Variants in ARHGAP28 observed in about 807,000 individuals in gnomAD.
ARHGAP28 encodes Rho GTPase activating protein 28.
ARHGAP28 carries 56 observed loss-of-function variants against 90.7 expected under a neutral mutation model. The ratio of observed to expected loss-of-function variants is 0.62; its 90% confidence interval spans 0.50 to 0.77. The LOEUF is 0.77. Among genes scored for constraint, ARHGAP28 ranks in the 30% least tolerant of loss-of-function variants. The pLI, the probability that ARHGAP28 is intolerant of heterozygous loss-of-function variation, is 0.00. For synonymous variants in ARHGAP28, 308 were observed against 323.3 expected (o/e 0.95, Z 0.51); for missense variants, 869 against 900.9 (o/e 0.96, Z 0.45).
intron 1 of ARHGAP28, among the ~76,000 whole-genome samples, chr18:6,821,240 T>G (rs2056624824): frequency 6.6e-6 from 1 of 152,146 alleles, no homozygotes; most frequent in Non-Finnish European, 1.5e-5. Context: ...AAAAAGACAA[T>G]GGAAGAAAAA....
At chr18:6,841,186 T>TCACTGTCTCTCTCCTCTTTCTCTCTCTC (rs1195564662) in intron 3 of ARHGAP28, among the ~76,000 whole-genome samples, 1 of 57,794 alleles carries the variant, frequency 1.7e-5, no homozygotes, top group Admixed American at 1.7e-4. Context: ...CTCTCCTCTC[T>TCACTGTCTCTCTCCTCTTTCTCTCTCTC]CTCTCTCTCT....
intron 1 of ARHGAP28, among the ~76,000 whole-genome samples, chr18:6,822,350 A>T (rs903005867): frequency 1.3e-5 from 2 of 152,190 alleles, no homozygotes; most frequent in African/African-American, 4.8e-5. Context: ...GGAGGGCAGG[A>T]GGCTGTGTGA....
intron 2 of ARHGAP28, 133 bp from the exon 3 acceptor site, chr18:6,837,064 T>A (rs974936192): frequency 5.9e-6 from 4 of 673,488 alleles, no homozygotes; most frequent in Non-Finnish European, 9.9e-6. Flanking sequence ...CATTCATTCT[T>A]GTAGTTCTTT....
chr18:6,738,446 C>T (rs556597309), intron 1 of ARHGAP28, among the ~76,000 whole-genome samples: 1 of 152,152 alleles, frequency 6.6e-6, no homozygotes, highest in African/African-American at 2.4e-5. Context: ...ATTGAGTATT[C>T]ATTTATGAAA....
At chr18:6,867,398 C>A (rs531945167) in intron 5 of ARHGAP28, among the ~76,000 whole-genome samples, 149 of 152,272 alleles carry the variant, frequency 9.8e-4, no homozygotes, top group African/African-American at 3.3e-3. Context: ...CACTATCACA[C>A]ATATTCACAG....
intron 1 of ARHGAP28, among the ~76,000 whole-genome samples, chr18:6,813,886 C>T (rs1457432980): frequency 6.6e-6 from 1 of 152,086 alleles, no homozygotes; most frequent in African/African-American, 2.4e-5. Context: ...CAGAGGATCT[C>T]CCTCTCAAAC....
intron 1 of ARHGAP28, among the ~76,000 whole-genome samples, chr18:6,802,830 C>A (rs7234500): frequency 0.014 from 2,193 of 152,220 alleles, 55 homozygotes; most frequent in African/African-American, 0.049. Context: ...AGATCTTGCA[C>A]ATCTTTTGTT....
At chr18:6,828,043 C>T (rs1240415155) in intron 2 of ARHGAP28, among the ~76,000 whole-genome samples, 2 of 152,006 alleles carry the variant, frequency 1.3e-5, no homozygotes, top group African/African-American at 4.8e-5. Flanking sequence ...CACGCCACTG[C>T]ACTCCAGCCT....
In ARHGAP28 at chr18:6,745,559, A is replaced by G. The variant is rs553338751; in HGVS notation, c.122+15616A>G. On this transcript the variant is annotated intron_variant, in intron 1 of 17. Coordinates refer to ENST00000383472, the MANE Select transcript of ARHGAP28 (RefSeq NM_001366230.1). ...TATTCAGTTCCATGATTTTTGACCCATGTAACTACCATCCAAAACAAGATA... is the reference window on the plus strand; with the variant it reads ...TATTCAGTTCCATGATTTTTGACCCGTGTAACTACCATCCAAAACAAGATA... 1.3e-4 allele frequency among the ~76,000 whole-genome samples: 20 copies of G among 152,326 alleles called. No individual in the cohort carries two copies. The South Asian group carries it at 2.7e-3, about 21-fold the overall frequency.
chr18:6,765,452 T>C (rs957505852), intron 1 of ARHGAP28, among the ~76,000 whole-genome samples: 4 of 152,270 alleles, frequency 2.6e-5, no homozygotes, highest in Admixed American at 2.6e-4. Context: ...TTTCTGTTTG[T>C]GATCTGTAGG....
At chr18:6,791,118 C>A (rs1212721520) in intron 1 of ARHGAP28, 1 of 152,052 alleles carries the variant, frequency 6.6e-6, no homozygotes, top group Non-Finnish European at 1.5e-5. Flanking sequence ...TACACTATTA[C>A]AAGGTCCCAC....
intron 1 of ARHGAP28, among the ~76,000 whole-genome samples, chr18:6,766,039 T>A (rs937400436): frequency 6.6e-6 from 1 of 152,218 alleles, no homozygotes; most frequent in Non-Finnish European, 1.5e-5. Flanking sequence ...GTCATATGAT[T>A]TGTCTTGGGG....
At chr18:6,758,710 G>T (rs1040702716) in intron 1 of ARHGAP28, among the ~76,000 whole-genome samples, 1 of 152,080 alleles carries the variant, frequency 6.6e-6, no homozygotes, top group African/African-American at 2.4e-5. Context: ...CTAGCTGCTT[G>T]GTCTAGTTAA....
intron 1 of ARHGAP28, among the ~76,000 whole-genome samples, chr18:6,742,373 T>G (rs2055986514): frequency 6.6e-6 from 1 of 152,058 alleles, no homozygotes; most frequent in African/African-American, 2.4e-5. Context: ...TTTCATCATG[T>G]TGGCCAGGCT....
rs1600291779 is a variant in ARHGAP28, at chr18:6,890,179, G to A, written c.1734+94G>A. On this transcript the variant is annotated intron_variant, in intron 13 of 17. Transcript: ENST00000383472. ...ATTGGGCAACTCCCTTGGTCATAGG[G>A]AAGAAATATGAGAAGATAACCCCAG... 32 of 1,395,058 alleles carry A rather than the reference G, an allele frequency of 2.3e-5. No individual in the cohort carries two copies. In the East Asian group the frequency reaches 6.5e-4, roughly 28 times the overall value. The allele number at this position is 1,395,058 out of a possible 1,614,324, so 86.4% of individuals were successfully genotyped here. A position where few individuals can be genotyped will look rare whatever the true frequency, so the allele number is the denominator to read the frequency against.
At chr18:6,878,877 A>G (rs2057154740) in intron 10 of ARHGAP28, among the ~76,000 whole-genome samples, 1 of 152,220 alleles carries the variant, frequency 6.6e-6, no homozygotes, top group African/African-American at 2.4e-5. Flanking sequence ...CCTTTATTCA[A>G]ACTTTTTATT....
intron 1 of ARHGAP28, among the ~76,000 whole-genome samples, chr18:6,738,093 C>G (rs1402851830): frequency 6.6e-6 from 1 of 152,076 alleles, no homozygotes; most frequent in East Asian, 1.9e-4. Flanking sequence ...TACAAACACA[C>G]AATACAAAGG....
chr18:6,878,045 T>C (rs2057146333), intron 10 of ARHGAP28, among the ~76,000 whole-genome samples: 3 of 152,120 alleles, frequency 2.0e-5, no homozygotes, highest in African/African-American at 4.8e-5. Context: ...ATAATGCATA[T>C]GATTTAAATG....
At chr18:6,845,575 C>T (rs1180874049) in intron 3 of ARHGAP28, among the ~76,000 whole-genome samples, 2 of 152,132 alleles carry the variant, frequency 1.3e-5, no homozygotes, top group East Asian at 3.9e-4. Flanking sequence ...GCTCTCCCTC[C>T]CCCGATCCTG....
Sources: gnomAD v4.1 joint callset for allele counts (sites outside exome capture counted in the v4.1 genomes callset) on GRCh38, gnomAD v4.1.1 for gene constraint, MANE v1.5 for transcripts, NCBI Gene and HGNC (gene_info 2026-07-23, HGNC 2026-07-21) for gene names.